CTNNA3: variants seen among roughly 807,000 people sequenced by gnomAD.
CTNNA3 encodes catenin alpha-3.
CTNNA3 carries 76 observed loss-of-function variants against 95.7 expected under a neutral mutation model. The ratio of observed to expected loss-of-function variants is 0.79; its 90% CI spans 0.66 to 0.96. The LOEUF is 0.96. Ranked by LOEUF, CTNNA3 falls within the 40% of genes least tolerant of loss-of-function variation. The probability of loss-of-function intolerance (pLI) is 0.00; values close to 1 mark genes in which losing one functional copy is unlikely to be tolerated. For synonymous variants in CTNNA3, 431 were observed against 374.4 expected (o/e 1.15, Z -1.74); for missense variants, 1,191 against 1,089.8 (o/e 1.09, Z -1.31).
chr10:67,180,957 A>G (rs1375053606), intron 6 of CTNNA3, among the ~76,000 whole-genome samples: 1 of 152,194 alleles, frequency 6.6e-6, no homozygotes, highest in African/African-American at 2.4e-5. Context: ...ATTTTCATGT[A>G]TCTCATCCTG....
chr10:67,481,855 T>A (rs1848244528), intron 5 of CTNNA3, among the ~76,000 whole-genome samples: 1 of 152,076 alleles, frequency 6.6e-6, no homozygotes, highest in African/African-American at 2.4e-5. Flanking sequence ...ATGCCTAGGT[T>A]TTCTTCTAGG....
At chr10:67,204,189 C>A (rs1037112580) in intron 6 of CTNNA3, among the ~76,000 whole-genome samples, 2 of 152,014 alleles carry the variant, frequency 1.3e-5, no homozygotes, top group Non-Finnish European at 2.9e-5. Context: ...GGTTTGGATA[C>A]GCACGTCCCC....
intron 1 of CTNNA3, among the ~76,000 whole-genome samples, chr10:67,723,001 T>G (rs560921219): frequency 7.3e-5 from 11 of 150,714 alleles, no homozygotes; most frequent in African/African-American, 2.7e-4. Context: ...TTTTTTTTTT[T>G]TTTGAGACAG....
chr10:67,260,675 G>GT (rs1386345703), intron 5 of CTNNA3, among the ~76,000 whole-genome samples: 1 of 131,284 alleles, frequency 7.6e-6, no homozygotes, highest in Admixed American at 7.0e-5. Context: ...GTTTTGTTTT[G>GT]TTTTTTTGTT....
At chr10:67,368,149 C>A (rs1241061446) in intron 5 of CTNNA3, among the ~76,000 whole-genome samples, 1 of 151,978 alleles carries the variant, frequency 6.6e-6, no homozygotes, top group Non-Finnish European at 1.5e-5. Context: ...GGACTTATAC[C>A]TAGAATATTT....
chr10:66,691,028 C>T (rs962176434), intron 9 of CTNNA3, among the ~76,000 whole-genome samples: 3 of 152,146 alleles, frequency 2.0e-5, no homozygotes, highest in East Asian at 1.9e-4. Flanking sequence ...CCAGAGTGAT[C>T]GATGCAGAAG....
At chr10:67,565,762 A>G (rs553042875) in intron 3 of CTNNA3, among the ~76,000 whole-genome samples, 2 of 150,092 alleles carry the variant, frequency 1.3e-5, no homozygotes, top group African/African-American at 2.4e-5. Context: ...AGAAATATAA[A>G]TTAGTACAGC....
At chr10:67,381,781 G>T (rs574980737) in intron 5 of CTNNA3, among the ~76,000 whole-genome samples, 1 of 152,264 alleles carries the variant, frequency 6.6e-6, no homozygotes, top group South Asian at 2.1e-4. Flanking sequence ...TTCTAGAATT[G>T]AAAACGCTCA....
intron 7 of CTNNA3, chr10:67,097,784 G>T (rs200611303): frequency 6.2e-6 from 10 of 1,612,268 alleles, no homozygotes; most frequent in Non-Finnish European, 8.5e-6. Flanking sequence ...ACCATAAACA[G>T]CAGCTAGCTT....
intron 1 of CTNNA3, among the ~76,000 whole-genome samples, chr10:67,670,083 T>C (rs1048356768): frequency 6.6e-6 from 1 of 152,160 alleles, no homozygotes; most frequent in Non-Finnish European, 1.5e-5. Flanking sequence ...CACAAACAAA[T>C]GACACTAAGA....
At chr10:66,701,996 A>G (rs750435276) in intron 9 of CTNNA3, among the ~76,000 whole-genome samples, 1 of 152,154 alleles carries the variant, frequency 6.6e-6, no homozygotes, top group Non-Finnish European at 1.5e-5. Flanking sequence ...CATCTCGGCC[A>G]CCCATATGAG....
intron 11 of CTNNA3, among the ~76,000 whole-genome samples, chr10:66,512,573 T>G (rs1026730621): frequency 6.6e-6 from 1 of 152,134 alleles, no homozygotes; most frequent in African/African-American, 2.4e-5. Context: ...TTTCCTTAAT[T>G]GATAGGTAAC....
chr10:65,944,987 T>C (rs2077493934), intron 17 of CTNNA3, among the ~76,000 whole-genome samples: 1 of 152,060 alleles, frequency 6.6e-6, no homozygotes, highest in Non-Finnish European at 1.5e-5. Flanking sequence ...ATATAAAACA[T>C]AGCACCTTAC....
intron 7 of CTNNA3, among the ~76,000 whole-genome samples, chr10:67,100,477 C>T (rs1858277383): frequency 6.6e-6 from 1 of 151,754 alleles, no homozygotes; most frequent in Non-Finnish European, 1.5e-5. Context: ...ATCTTTATCA[C>T]ATATTTCCAA....
intron 7 of CTNNA3, among the ~76,000 whole-genome samples, chr10:67,111,835 G>A (rs1054097292): frequency 2.0e-5 from 3 of 151,914 alleles, no homozygotes; most frequent in African/African-American, 7.3e-5. Context: ...TACTGATGAG[G>A]AAATTCCAAA....
At chr10:66,517,300 G>A (rs557065214) in intron 11 of CTNNA3, among the ~76,000 whole-genome samples, 1 of 152,218 alleles carries the variant, frequency 6.6e-6, no homozygotes, top group African/African-American at 2.4e-5. Context: ...TTGAATAGGA[G>A]CTTGGTAAAA....
chr10:66,814,237 C>A (rs1841991709), intron 7 of CTNNA3, among the ~76,000 whole-genome samples: 1 of 141,016 alleles, frequency 7.1e-6, no homozygotes, highest in African/African-American at 2.7e-5. Context: ...ACATTATTCC[C>A]AGAAGAATGT....
chr10:67,011,094 C>T (rs1852301218), intron 7 of CTNNA3, among the ~76,000 whole-genome samples: 1 of 152,026 alleles, frequency 6.6e-6, no homozygotes, highest in Non-Finnish European at 1.5e-5. Flanking sequence ...CTTTGGGAGG[C>T]CAAGGCAGAC....
At chr10:66,402,001 A>G (rs2132562417) in intron 11 of CTNNA3, among the ~76,000 whole-genome samples, 1 of 152,236 alleles carries the variant, frequency 6.6e-6, no homozygotes, top group East Asian at 1.9e-4. Flanking sequence ...AGTTGTAAAT[A>G]GATAGCTCCA....
Sources: allele counts gnomAD v4.1 joint callset (sites outside exome capture counted in the v4.1 genomes callset), GRCh38; gene constraint gnomAD v4.1.1; transcripts MANE v1.5; gene names NCBI Gene and HGNC (gene_info 2026-07-23, HGNC 2026-07-21).